GLDC: variants seen among roughly 807,000 people sequenced by gnomAD.
The protein encoded by GLDC is glycine decarboxylase, also known as glycine dehydrogenase (decarboxylating), mitochondrial.
Under a neutral mutation model 121.3 loss-of-function variants are expected in GLDC, and 104 were observed. The observed-to-expected ratio is 0.86, with a 90% CI of 0.73 to 1.01. GLDC has a LOEUF of 1.01. Ranked by LOEUF, GLDC falls within the 50% of genes least tolerant of loss-of-function variation. GLDC has a pLI of 0.00. For synonymous variants in GLDC, 546 were observed against 480.6 expected, an observed-to-expected ratio of 1.14 and a Z score of -1.78; for missense variants, 1,429 against 1,306.6, an observed-to-expected ratio of 1.09 and a Z score of -1.44.
intron 16 of GLDC, among the ~76,000 whole-genome samples, chr9:6,563,962 A>G (rs1817805868): frequency 6.6e-6 from 1 of 151,780 alleles, no homozygotes; most frequent in African/African-American, 2.4e-5. Flanking sequence ...GAAAAAAAAA[A>G]GGGCCAGGCG....
chr9:6,611,475 G>C (rs1818854388), intron 3 of GLDC, among the ~76,000 whole-genome samples: 1 of 151,808 alleles, frequency 6.6e-6, no homozygotes, highest in East Asian at 1.9e-4. Flanking sequence ...AGAATCGCTT[G>C]AACCCGCGGG....
intron 2 of GLDC, among the ~76,000 whole-genome samples, chr9:6,641,293 C>T (rs2130018199): frequency 6.6e-6 from 1 of 152,352 alleles, no homozygotes; most frequent in South Asian, 2.1e-4. Flanking sequence ...CCTTCCCTTG[C>T]CCTAGCAGCA....
chr9:6,634,935 AG>A (rs748444265), intron 2 of GLDC, among the ~76,000 whole-genome samples: 4 of 152,260 alleles, frequency 2.6e-5, no homozygotes, highest in Admixed American at 6.5e-5. Flanking sequence ...CATTACTTAG[AG>A]GGGGGAAAAT....
chr9:6,568,139 G>C (rs991336938), intron 15 of GLDC, among the ~76,000 whole-genome samples: 2 of 152,202 alleles, frequency 1.3e-5, no homozygotes, highest in African/African-American at 4.8e-5. Context: ...CTATGAGCCA[G>C]TAGTGTAGGA....
At chr9:6,608,991 C>A (rs1196259760) in intron 4 of GLDC, among the ~76,000 whole-genome samples, 1 of 152,080 alleles carries the variant, frequency 6.6e-6, no homozygotes, top group Non-Finnish European at 1.5e-5. Context: ...TCTAAACTTG[C>A]TGACCAAGTA....
Position 6,604,775 on chromosome 9 carries a change from A to G in GLDC, c.871T>C (p.Cys291Arg), listed in dbSNP as rs141014950. Reference sequence around the variant, plus strand: ...AAAGCTAAAAGGTCAGTAGCACAGCAGGCCAGGCTCTAGAAAGGAAGTGAG... The same window carrying G: ...AAAGCTAAAAGGTCAGTAGCACAGCGGGCCAGGCTCTAGAAAGGAAGTGAG... ...ERAHQSGSLACCATDLLALCI... is the reference protein window; with the variant it reads ...ERAHQSGSLARCATDLLALCI... Residue 291 changes from cysteine to arginine, a missense_variant, in exon 7 of 25, where the codon TGC becomes CGC. Transcript: ENST00000321612. The G allele has an allele frequency of 1.2e-6, 2 of 1,613,736 alleles. No individual in the cohort carries two copies. Among genetic ancestry groups the G allele is most frequent in the Non-Finnish European group, 1.7e-6 (2 of 1,179,702 alleles).
In GLDC at chr9:6,551,200, G is replaced by C. The variant is rs188134829; in HGVS notation, c.2458-286C>G. On this transcript the variant is annotated intron_variant, in intron 20 of 24. Transcript: ENST00000321612. ...ACTACTGACTACTGTGTTATCTAAA[G>C]AGAGAAAAGAATTGTTCTTAAATTA... 2.6e-3 allele frequency among the ~76,000 whole-genome samples: 390 copies of C among 152,312 alleles called. 1 individual carries two copies. The highest frequency in any genetic ancestry group is 9.1e-3 in the African/African-American group (378 of 41,576).
intron 23 of GLDC, 181 bp downstream of exon 23, chr9:6,535,882 AC>A (rs1817116249): frequency 4.7e-6 from 3 of 633,416 alleles, no homozygotes; most frequent in Non-Finnish European, 8.6e-6. Context: ...TCCTTGAGTA[AC>A]TGCTATGCTG....
chr9:6,540,204 C>A (rs894333477), intron 21 of GLDC, 58 bp from the exon 22 acceptor site: 1 of 1,052,338 alleles, frequency 9.5e-7, no homozygotes, highest in Non-Finnish European at 1.5e-6. Flanking sequence ...TTTACCCAAA[C>A]AAATGAATAA....
At chr9:6,580,770 T>C (rs754859297) in intron 15 of GLDC, among the ~76,000 whole-genome samples, 5 of 152,242 alleles carry the variant, frequency 3.3e-5, no homozygotes, top group African/African-American at 1.2e-4. Context: ...TGATCCTACC[T>C]GCCTATCAGT....
chr9:6,565,357 T>C lies in GLDC; in HGVS notation c.1923A>G (p.Arg641=). Residue 641 remains arginine, a synonymous_variant, in exon 16 of 25, where the codon AGA becomes AGG. Coordinates refer to ENST00000321612, the MANE Select transcript of GLDC (RefSeq NM_000170.3). ...AYLNQKGEGH[R]TVCLIPKSAH... ...CGCCACCTCCTGCCATACTCACCGTTCTGTGCCCCTCTCCTTTCTGGTTTA... is the reference window on the plus strand; with the variant it reads ...CGCCACCTCCTGCCATACTCACCGTCCTGTGCCCCTCTCCTTTCTGGTTTA... 2 of 1,611,554 alleles carry C rather than the reference T, an allele frequency of 1.2e-6. No homozygotes were observed. Among genetic ancestry groups the C allele is most frequent in the Non-Finnish European group, 8.5e-7 (1 of 1,177,590 alleles).
At chr9:6,603,410 G>A (rs1818658948) in intron 7 of GLDC, among the ~76,000 whole-genome samples, 1 of 151,514 alleles carries the variant, frequency 6.6e-6, no homozygotes, top group Non-Finnish European at 1.5e-5. Flanking sequence ...TGAGCCCTAA[G>A]ACCAGCCTGA....
At chr9:6,619,423 C>T (rs762767599) in intron 3 of GLDC, among the ~76,000 whole-genome samples, 16 of 151,802 alleles carry the variant, frequency 1.1e-4, no homozygotes, top group South Asian at 1.0e-3. Context: ...ATTATCTGTC[C>T]CCCTTAAAAA....
chr9:6,625,197 A>G (rs1587976724), intron 2 of GLDC, among the ~76,000 whole-genome samples: 3 of 152,128 alleles, frequency 2.0e-5, no homozygotes, highest in Admixed American at 6.6e-5. Context: ...AGCCTCCCCA[A>G]CAATCCCTCA....
At chr9:6,602,024 T>C in intron 8 of GLDC, 85 bp downstream of exon 8, 1 of 873,896 alleles carries the variant, frequency 1.1e-6, no homozygotes, top group African/African-American at 1.6e-5. Flanking sequence ...AGGTGGTGAA[T>C]AAATGAACAA....
rs1376105769 is a variant in GLDC, at chr9:6,540,121, C to A, written c.2595G>T (p.Leu865Phe). 13 of 1,612,026 alleles carry A rather than the reference C, an allele frequency of 8.1e-6. No individual in the cohort carries two copies. Among genetic ancestry groups the A allele is most frequent in the Non-Finnish European group, 1.1e-5 (13 of 1,178,226 alleles). ...CAGACTTTTTGAAGGGTCTCGTGTC[C>A]AAAATAAATTCATGACCCACATAAC... The part of the protein sequence containing the change: ...ARGYVGHEFI[L>F]DTRPFKKSAN... The change falls in exon 22 of 25, where the codon TTG becomes TTT. Residue 865 changes from leucine (L) to phenylalanine (F), a missense_variant. Coordinates refer to ENST00000321612, the MANE Select transcript of GLDC (RefSeq NM_000170.3).
chr9:6,641,666 T>C (rs532940871), intron 2 of GLDC, among the ~76,000 whole-genome samples: 1 of 152,334 alleles, frequency 6.6e-6, no homozygotes, highest in Admixed American at 6.5e-5. Flanking sequence ...GGTTGTAATA[T>C]ACATTAATAC....
Position 6,644,675 on chromosome 9 carries a change from G to C in GLDC, c.273C>G (p.Ile91Met), listed in dbSNP as rs1335911770. 2 of 1,612,056 alleles carry C rather than the reference G, an allele frequency of 1.2e-6. No homozygotes were observed. Among genetic ancestry groups the C allele is most frequent in the Admixed American group, 1.7e-5 (1 of 60,020 alleles). ...TLGLASIDEL[I>M]EKTVPANIRL... is the part of the protein sequence containing the mutation. The stretch of plus-strand genomic sequence containing the variant: ...GGATGTTGGCAGGGACCGTCTTCTC[G>C]ATCAATTCATCAATGCTCTAAAATT... Residue 91 changes from isoleucine (I) to methionine (M), a missense_variant, in exon 2 of 25, where the codon ATC becomes ATG. Physicochemically the swap from Ile to Met is conservative, Grantham distance 10 (BLOSUM62 1). Coordinates refer to ENST00000321612, the MANE Select transcript of GLDC (RefSeq NM_000170.3).
At chr9:6,639,326 G>C in intron 2 of GLDC, 2 of 935,718 alleles carry the variant, frequency 2.1e-6, no homozygotes, top group South Asian at 2.6e-5. Flanking sequence ...AAATATCCTC[G>C]GAAGAGCGCC....
Sources: allele counts gnomAD v4.1 joint callset (sites outside exome capture counted in the v4.1 genomes callset), GRCh38; gene constraint gnomAD v4.1.1; transcripts MANE v1.5; gene names NCBI Gene and HGNC (gene_info 2026-07-23, HGNC 2026-07-21).